The following ADAM2 variants were observed in gnomAD, a reference collection of about 807,000 sequenced individuals.
ADAM2 encodes the protein ADAM metallopeptidase domain 2.
In ADAM2, 101 loss-of-function variants were observed where a neutral mutation model predicts 99.3. That is an observed-to-expected ratio of 1.02 (90% CI 0.87 to 1.20). The LOEUF is 1.20. Among genes scored for constraint, ADAM2 ranks in the 50% most tolerant of loss-of-function variants. The pLI is 0.00. For synonymous variants in ADAM2, 323 were observed against 287.6 expected (o/e 1.12, Z -1.25); for missense variants, 948 against 878.7 (o/e 1.08, Z -1.00).
Position 39,827,301 on chromosome 8 carries a change from C to T in ADAM2, c.189-2404G>A, listed in dbSNP as rs1308831061. ...ATGTTGGTGGAAATGTAAATTAGTA[C>T]AACCATTATGGAAAATAATAAGGAG... On this transcript the variant is annotated intron_variant, in intron 3 of 20. Transcript: ENST00000265708. Among the ~76,000 whole-genome samples, 3 of 152,078 alleles carry T rather than the reference C, an allele frequency of 2.0e-5. No homozygotes were observed. The East Asian group carries it at 5.8e-4, about 29-fold the overall frequency.
At chr8:39,785,577 C>T (rs1413906039) in intron 10 of ADAM2, among the ~76,000 whole-genome samples, 4 of 152,142 alleles carry the variant, frequency 2.6e-5, no homozygotes, top group Non-Finnish European at 5.9e-5. Flanking sequence ...GGGGGGATCA[C>T]ATGAGGTCAG....
At chr8:39,782,727 C>T (rs1467411345) in intron 10 of ADAM2, among the ~76,000 whole-genome samples, 1 of 152,004 alleles carries the variant, frequency 6.6e-6, no homozygotes, top group Non-Finnish European at 1.5e-5. Context: ...CTTTATTCAA[C>T]TAATATTTGG....
chr8:39,835,498 C>T (rs1051246806), intron 2 of ADAM2, among the ~76,000 whole-genome samples: 51 of 152,086 alleles, frequency 3.4e-4, no homozygotes, highest in African/African-American at 1.2e-3. Flanking sequence ...TCCTGACCAA[C>T]GGTGAAACCC....
In ADAM2 at chr8:39,769,532, C is replaced by G; in HGVS notation, c.1072G>C (p.Asp358His). The change falls in exon 12 of 21, where the codon GAC becomes CAC. Residue 358 changes from aspartate to histidine, a missense_variant. Asp to His is a moderately conservative substitution (Grantham distance 81). Coordinates refer to ENST00000265708, the MANE Select transcript of ADAM2 (RefSeq NM_001464.5). ...VKIFSNCSFE[D>H]FAHFISKQKS... ...TGCTTTGAAATAAAATGTGCAAAGT[C>G]TTCGAAGCTGCAGTTACTAAAGATC... 1.2e-6 allele frequency: 2 copies of G among 1,613,902 alleles called. No homozygotes were observed. Among genetic ancestry groups the G allele is most frequent in the Non-Finnish European group, 1.7e-6 (2 of 1,179,860 alleles).
intron 14 of ADAM2, among the ~76,000 whole-genome samples, chr8:39,762,419 C>T (rs879912910): frequency 5.3e-5 from 8 of 152,198 alleles, no homozygotes; most frequent in South Asian, 4.1e-4. Context: ...CAAAGAAAGC[C>T]GCAATCTACA....
chr8:39,759,308 A>G (rs753435361), intron 15 of ADAM2, among the ~76,000 whole-genome samples: 4 of 152,106 alleles, frequency 2.6e-5, no homozygotes, highest in Non-Finnish European at 5.9e-5. Context: ...AGAAACCTAA[A>G]TTGTGGGAAA....
intron 6 of ADAM2, among the ~76,000 whole-genome samples, chr8:39,819,249 GA>G (rs1034923100): frequency 3.3e-5 from 5 of 151,722 alleles, no homozygotes; most frequent in African/African-American, 4.8e-5. Flanking sequence ...ACTGATCTTT[GA>G]AAAAAATCAA....
At position 39,767,247 on chromosome 8, in the gene ADAM2, C is replaced by T. The variant is rs1432467808; in HGVS notation, c.1217G>A (p.Cys406Tyr). 6.2e-7 allele frequency: 1 copy of T among 1,604,672 alleles called. No homozygotes were observed. The highest frequency in any genetic ancestry group is 1.1e-5 in the South Asian group (1 of 89,622). ...ACAGCATGTTTCTCCAATAAGGGCACAATCCTGTAAGGCAAATCAAATGCT... is the reference window on the plus strand; with the variant it reads ...ACAGCATGTTTCTCCAATAAGGGCATAATCCTGTAAGGCAAATCAAATGCT... Reference protein sequence around the residue: ...EECDCGTEQDCALIGETCCDI... With the variant: ...EECDCGTEQDYALIGETCCDI... The change falls in exon 13 of 21, where the codon TGT (cysteine) becomes TAT (tyrosine). Residue 406 changes from cysteine to tyrosine, a missense_variant. By Grantham distance (194) the Cys-to-Tyr change is radical. Transcript: ENST00000265708.
chr8:39,756,708 AAATGG>A (rs1397057395), intron 15 of ADAM2, among the ~76,000 whole-genome samples: 6 of 152,254 alleles, frequency 3.9e-5, no homozygotes, highest in Admixed American at 2.6e-4. Flanking sequence ...AAGACAACGA[AAATGG>A]GCAACCCAGC....
At chr8:39,815,505 T>C (rs75830584) in intron 6 of ADAM2, among the ~76,000 whole-genome samples, 1 of 152,158 alleles carries the variant, frequency 6.6e-6, no homozygotes, top group African/African-American at 2.4e-5. Context: ...ATACAGATGG[T>C]TGAGAACTGT....
chr8:39,802,058 T>C (rs951704853), intron 7 of ADAM2, among the ~76,000 whole-genome samples: 1 of 152,196 alleles, frequency 6.6e-6, no homozygotes, highest in Admixed American at 6.5e-5. Flanking sequence ...GGCTTAAGCA[T>C]ATTCCAGCTG....
At chr8:39,836,057 T>C (rs1805810414) in intron 2 of ADAM2, among the ~76,000 whole-genome samples, 1 of 152,082 alleles carries the variant, frequency 6.6e-6, no homozygotes, top group Non-Finnish European at 1.5e-5. Context: ...GTTTCTCATT[T>C]ACAAATGAGA....
chr8:39,746,403 G>C, intron 19 of ADAM2, 69 bp downstream of exon 19: 1 of 1,017,354 alleles, frequency 9.8e-7, no homozygotes, highest in Non-Finnish European at 1.4e-6. Flanking sequence ...TCATTACATC[G>C]ACCACATTGC....
At chr8:39,819,373 CAT>C (rs2129587963) in intron 6 of ADAM2, among the ~76,000 whole-genome samples, 2 of 152,000 alleles carry the variant, frequency 1.3e-5, no homozygotes, top group South Asian at 4.2e-4. Flanking sequence ...ATTAAAGTAT[CAT>C]ATATCAAAAT....
chr8:39,770,812 T>A (rs1409370047), intron 11 of ADAM2, among the ~76,000 whole-genome samples: 1 of 152,212 alleles, frequency 6.6e-6, no homozygotes, highest in African/African-American at 2.4e-5. Context: ...AAACCCCTTA[T>A]CTGCCATGAA....
intron 7 of ADAM2, among the ~76,000 whole-genome samples, chr8:39,789,822 T>A (rs1004719876): frequency 2.6e-5 from 4 of 151,574 alleles, no homozygotes; most frequent in Non-Finnish European, 4.4e-5. Context: ...ATAGAATATA[T>A]AAAGAACATT....
chr8:39,838,100 A>T, intron 1 of ADAM2, 31 bp downstream of exon 1: 1 of 1,612,982 alleles, frequency 6.2e-7, no homozygotes, highest in Non-Finnish European at 8.5e-7. Flanking sequence ...TGAGGGTCCC[A>T]AAAGGCCAGA....
At chr8:39,758,858 A>G (rs2129583565) in intron 15 of ADAM2, among the ~76,000 whole-genome samples, 2 of 152,192 alleles carry the variant, frequency 1.3e-5, no homozygotes, top group South Asian at 4.1e-4. Flanking sequence ...AAATAATGAT[A>G]GTAATGTATT....
chr8:39,758,564 T>TA (rs1455085166), intron 15 of ADAM2, among the ~76,000 whole-genome samples: 1 of 149,744 alleles, frequency 6.7e-6, no homozygotes, highest in Non-Finnish European at 1.5e-5. Flanking sequence ...TCAGTAAAAA[T>TA]AAAAAAAATT....
Sources: allele counts gnomAD v4.1 joint callset (sites outside exome capture counted in the v4.1 genomes callset), GRCh38; gene constraint gnomAD v4.1.1; transcripts MANE v1.5; gene names NCBI Gene and HGNC (gene_info 2026-07-23, HGNC 2026-07-21).